The following TBL1X variants were observed in gnomAD, a reference collection of about 807,000 sequenced individuals.
The protein encoded by TBL1X is F-box-like/WD repeat-containing protein TBL1X.
TBL1X carries 10 observed loss-of-function variants against 50.7 expected under a neutral mutation model. The ratio of observed to expected loss-of-function variants is 0.20; its 90% CI spans 0.12 to 0.33. The LOEUF is 0.33. TBL1X is among the 10% of genes least tolerant of loss of function. The probability of loss-of-function intolerance (pLI) is 1.00; values close to 1 mark genes in which losing one functional copy is unlikely to be tolerated. For synonymous variants in TBL1X, 190 were observed against 214.7 expected (o/e 0.88, Z 1.01); for missense variants, 340 against 504.4 (o/e 0.67, Z 3.12).
intron 5 of TBL1X, among the ~76,000 whole-genome samples, chrX:9,668,902 G>GC (rs2082945480): frequency 9.0e-6 from 1 of 111,419 alleles, no homozygotes; most frequent in African/African-American, 3.3e-5. Flanking sequence ...TTGGGTGGAG[G>GC]AAAGAGCCTA....
intron 6 of TBL1X, among the ~76,000 whole-genome samples, chrX:9,686,485 G>T (rs1052831563): frequency 2.7e-5 from 3 of 112,300 alleles, no homozygotes; most frequent in African/African-American, 9.7e-5. Context: ...GTTGCCTGAG[G>T]CCAGAAGTTC....
intron 2 of TBL1X, among the ~76,000 whole-genome samples, chrX:9,591,247 C>T (rs757228530): frequency 9.9e-5 from 11 of 111,610 alleles, no homozygotes; most frequent in African/African-American, 3.6e-4. Context: ...ACGTGAAGCA[C>T]TCAGCACAGT....
intron 2 of TBL1X, among the ~76,000 whole-genome samples, chrX:9,509,510 G>T (rs1377372849): frequency 1.1e-4 from 8 of 71,501 alleles, no homozygotes; most frequent in Non-Finnish European, 2.0e-4. Flanking sequence ...TTTGAGTCAG[G>T]TTCTCACTCT....
intron 2 of TBL1X, among the ~76,000 whole-genome samples, chrX:9,546,439 G>A (rs986061444): frequency 6.3e-5 from 7 of 111,309 alleles, no homozygotes; most frequent in Non-Finnish European, 1.3e-4. Flanking sequence ...GCCTGAACCC[G>A]GGAGGCGGAG....
At chrX:9,523,986 T>A (rs1371360057) in intron 2 of TBL1X, among the ~76,000 whole-genome samples, 6 of 70,379 alleles carry the variant, frequency 8.5e-5, no homozygotes, top group Non-Finnish European at 1.4e-4. Flanking sequence ...TTTTTTTTTT[T>A]AGACAGAGTC....
intron 13 of TBL1X, among the ~76,000 whole-genome samples, chrX:9,705,434 G>T (rs1045634253): frequency 9.0e-6 from 1 of 110,787 alleles, no homozygotes; most frequent in Non-Finnish European, 1.9e-5. Context: ...GGGCACATCT[G>T]CAGTGAATAG....
intron 1 of TBL1X, among the ~76,000 whole-genome samples, chrX:9,478,625 G>C (rs371007421): frequency 1.8e-5 from 2 of 111,778 alleles, no homozygotes; most frequent in African/African-American, 6.5e-5. Flanking sequence ...CAGGATGGGG[G>C]AGGAGAGGAG....
In TBL1X at chrX:9,713,421, C is replaced by CTTTTT. The variant is rs757107084; in HGVS notation, c.1606-1477_1606-1476insTTTTT. 2.2e-3 allele frequency among the ~76,000 whole-genome samples: 190 copies of CTTTTT among 87,518 alleles called. 10 individuals are homozygous for CTTTTT. The highest frequency in any genetic ancestry group is 4.3e-3 in the East Asian group (9 of 2,095). The allele number at this position is 87,518 out of a possible 115,157, so 76.0% of individuals were successfully genotyped here. ...TTATAAATCAAAGAAATCCTTAGGA[C>CTTTTT]TTTTCTTTTTTTTTTTTTTTTTTGG... is the stretch of plus-strand genomic sequence containing the variant. On this transcript the variant is annotated intron_variant, in intron 16 of 17. Coordinates refer to ENST00000645353, the MANE Select transcript of TBL1X (RefSeq NM_005647.4).
At chrX:9,597,252 A>G (rs1341000271) in intron 2 of TBL1X, among the ~76,000 whole-genome samples, 3 of 111,617 alleles carry the variant, frequency 2.7e-5, no homozygotes, top group Non-Finnish European at 5.6e-5. Context: ...AAAGTAGAGA[A>G]AAGATCAAAT....
chrX:9,572,036 G>A (rs2082388978), intron 2 of TBL1X, among the ~76,000 whole-genome samples: 2 of 111,963 alleles, frequency 1.8e-5, no homozygotes, highest in South Asian at 7.4e-4. Context: ...GCCGAATCCA[G>A]GGTGGCTGGC....
At chrX:9,592,895 C>G (rs752146971) in intron 2 of TBL1X, among the ~76,000 whole-genome samples, 1 of 112,144 alleles carries the variant, frequency 8.9e-6, no homozygotes, top group Admixed American at 9.5e-5. Context: ...CAGATTGGTA[C>G]AGAAAGGCCA....
At chrX:9,484,754 T>TC (rs754722610) in intron 1 of TBL1X, among the ~76,000 whole-genome samples, 106 of 108,887 alleles carry the variant, frequency 9.7e-4, no homozygotes, top group African/African-American at 3.4e-3. Context: ...TTCTCAAACT[T>TC]CATCATGCAT....
intron 2 of TBL1X, among the ~76,000 whole-genome samples, chrX:9,594,694 G>C (rs1366469108): frequency 8.9e-6 from 1 of 112,079 alleles, no homozygotes; most frequent in Admixed American, 9.4e-5. Flanking sequence ...GCTTCTACAA[G>C]AAAAAATTCT....
chrX:9,635,583 A>G (rs1173192993), intron 2 of TBL1X, among the ~76,000 whole-genome samples: 1 of 112,104 alleles, frequency 8.9e-6, no homozygotes, highest in Non-Finnish European at 1.9e-5. Flanking sequence ...TGAGCTTGTC[A>G]GACAGACAGT....
intron 5 of TBL1X, among the ~76,000 whole-genome samples, chrX:9,683,670 C>G (rs747368248): frequency 1.8e-5 from 2 of 111,536 alleles, no homozygotes; most frequent in Admixed American, 1.9e-4. Context: ...CACAGTCTTA[C>G]GAACCACGGA....
intron 2 of TBL1X, among the ~76,000 whole-genome samples, chrX:9,557,963 A>G (rs1221214707): frequency 8.9e-6 from 1 of 112,605 alleles, no homozygotes; most frequent in African/African-American, 3.2e-5. Context: ...GATGTTTTGT[A>G]AGTATTTCTC....
At chrX:9,480,757 A>ACC (rs60470790) in intron 1 of TBL1X, among the ~76,000 whole-genome samples, 110 of 46,900 alleles carry the variant, frequency 2.3e-3, no homozygotes, top group Admixed American at 5.7e-3. Context: ...AAATTAAGCC[A>ACC]CCCCCCCCCC....
At chrX:9,629,509 C>G (rs1194906008) in intron 2 of TBL1X, among the ~76,000 whole-genome samples, 1 of 112,165 alleles carries the variant, frequency 8.9e-6, no homozygotes, top group Non-Finnish European at 1.9e-5. Flanking sequence ...CATAGCCAAA[C>G]AAGACAAATT....
chrX:9,706,824 C>T (rs760192775), intron 13 of TBL1X, among the ~76,000 whole-genome samples: 6 of 111,288 alleles, frequency 5.4e-5, no homozygotes, highest in Non-Finnish European at 7.5e-5. Flanking sequence ...CACCTTGCCC[C>T]GCGCTGAGCC....
Sources: allele counts gnomAD v4.1 joint callset (sites outside exome capture counted in the v4.1 genomes callset), GRCh38; gene constraint gnomAD v4.1.1; transcripts MANE v1.5; gene names NCBI Gene and HGNC (gene_info 2026-07-23, HGNC 2026-07-21).